GAB2: variants seen among roughly 807,000 people sequenced by gnomAD.
The protein encoded by GAB2 is GRB2-associated-binding protein 2.
GAB2 carries 26 observed loss-of-function variants against 65.5 expected under a neutral mutation model. The observed-to-expected ratio is 0.40, with a 90% CI of 0.29 to 0.55. The LOEUF (loss-of-function observed/expected upper bound fraction) is 0.55. Among genes scored for constraint, GAB2 ranks in the 20% least tolerant of loss-of-function variants. The pLI is 0.53. For synonymous variants in GAB2, 321 were observed against 329.6 expected, an observed-to-expected ratio of 0.97 and a Z score of 0.28; for missense variants, 884 against 875.8, an observed-to-expected ratio of 1.01 and a Z score of -0.12.
intron 1 of GAB2, among the ~76,000 whole-genome samples, chr11:78,333,329 G>A (rs1855946946): frequency 6.6e-6 from 1 of 152,094 alleles, no homozygotes; most frequent in East Asian, 1.9e-4. Context: ...GCAGTGGTGC[G>A]ATCATGGCTC....
At chr11:78,390,616 T>C (rs1484564396) in intron 1 of GAB2, among the ~76,000 whole-genome samples, 1 of 152,104 alleles carries the variant, frequency 6.6e-6, no homozygotes, top group East Asian at 1.9e-4. Context: ...TATAGAGGCC[T>C]ATGGTTGGGA....
rs147197061 is a variant in GAB2, at chr11:78,333,038, CAGA to C, written c.76-52140_76-52138del. ...ATGGGAAAGATGGTCCTTCAAATGA[CAGA>C]AGGAGGAGGATAATGCTGGGCTTTG... is the stretch of plus-strand genomic sequence containing the variant. On this transcript the variant is annotated intron_variant, in intron 1 of 9. Coordinates refer to ENST00000361507, the MANE Select transcript of GAB2 (RefSeq NM_080491.3). 2.5e-3 allele frequency among the ~76,000 whole-genome samples: 380 copies of C among 152,252 alleles called. 1 individual carries two copies. The highest frequency in any genetic ancestry group is 8.7e-3 in the African/African-American group (361 of 41,548).
intron 1 of GAB2, among the ~76,000 whole-genome samples, chr11:78,369,780 G>A (rs949074321): frequency 6.6e-6 from 1 of 152,052 alleles, no homozygotes; most frequent in East Asian, 1.9e-4. Flanking sequence ...TAGTATACTC[G>A]GACACTACTA....
At chr11:78,363,150 A>G (rs1856455729) in intron 1 of GAB2, among the ~76,000 whole-genome samples, 1 of 152,222 alleles carries the variant, frequency 6.6e-6, no homozygotes, top group Non-Finnish European at 1.5e-5. Flanking sequence ...TTCCTAAGAA[A>G]ATTAATCAGA....
At chr11:78,359,421 A>G (rs186243773) in intron 1 of GAB2, among the ~76,000 whole-genome samples, 3 of 152,338 alleles carry the variant, frequency 2.0e-5, no homozygotes, top group Admixed American at 1.3e-4. Context: ...AGATCACAGA[A>G]TAATTTTTCA....
chr11:78,315,492 C>T (rs1162205365), intron 1 of GAB2, among the ~76,000 whole-genome samples: 1 of 151,982 alleles, frequency 6.6e-6, no homozygotes, highest in Non-Finnish European at 1.5e-5. Flanking sequence ...ACAGCTGGAC[C>T]CTTATACCAT....
In GAB2 at chr11:78,362,496, A is replaced by C. The variant is rs552308479; in HGVS notation, c.75+55150T>G. Among the ~76,000 whole-genome samples, 7 of 152,294 alleles carry C rather than the reference A, an allele frequency of 4.6e-5. No individual in the cohort carries two copies. The South Asian group carries it at 1.5e-3, about 32-fold the overall frequency. ...TCAATCCAAAAGGTAAGATTAAAAA[A>C]AACAACAGAAAATTTCAGTGTAAGG... On this transcript the variant is annotated intron_variant, in intron 1 of 9. Coordinates refer to ENST00000361507, the MANE Select transcript of GAB2 (RefSeq NM_080491.3).
chr11:78,225,351 A>C (rs1289988212), intron 4 of GAB2, 149 bp from the exon 5 acceptor site: 1 of 596,480 alleles, frequency 1.7e-6, no homozygotes, highest in African/African-American at 1.9e-5. Context: ...CTTCGAACAC[A>C]TCACTCCTCA....
At chr11:78,221,465 G>A (rs1590937480) in intron 8 of GAB2, among the ~76,000 whole-genome samples, 1 of 152,138 alleles carries the variant, frequency 6.6e-6, no homozygotes, top group Non-Finnish European at 1.5e-5. Context: ...GACTTCGTTG[G>A]GACAGGTCTC....
At chr11:78,347,492 CTTCTT>C (rs1367560516) in intron 1 of GAB2, among the ~76,000 whole-genome samples, 13 of 152,174 alleles carry the variant, frequency 8.5e-5, no homozygotes, top group South Asian at 4.1e-4. Flanking sequence ...ACTTCTGAGA[CTTCTT>C]TTCTTCATCA....
chr11:78,404,657 C>T (rs185254940), intron 1 of GAB2, among the ~76,000 whole-genome samples: 1 of 152,200 alleles, frequency 6.6e-6, no homozygotes, highest in Non-Finnish European at 1.5e-5. Context: ...AAGCCAGGAA[C>T]AGAAATTTAA....
At chr11:78,384,855 CACCAAAG>C (rs758767142) in intron 1 of GAB2, among the ~76,000 whole-genome samples, 1 of 152,184 alleles carries the variant, frequency 6.6e-6, no homozygotes, top group Non-Finnish European at 1.5e-5. Context: ...AGCACAAAAG[CACCAAAG>C]ACTGGAAGAT....
chr11:78,368,091 C>A (rs920395636), intron 1 of GAB2, among the ~76,000 whole-genome samples: 10 of 152,176 alleles, frequency 6.6e-5, no homozygotes, highest in African/African-American at 2.4e-4. Flanking sequence ...GCTGGGATTA[C>A]AGGCGTGAGC....
At chr11:78,377,555 C>T (rs984978955) in intron 1 of GAB2, among the ~76,000 whole-genome samples, 2 of 152,118 alleles carry the variant, frequency 1.3e-5, no homozygotes, top group African/African-American at 4.8e-5. Context: ...GCATGTTGAC[C>T]AGGCAAGTTT....
chr11:78,308,410 TG>T (rs1855417669), intron 1 of GAB2, among the ~76,000 whole-genome samples: 1 of 152,004 alleles, frequency 6.6e-6, no homozygotes, highest in Admixed American at 6.6e-5. Context: ...GGAAAGGATG[TG>T]GGGAGAGAGG....
intron 1 of GAB2, among the ~76,000 whole-genome samples, chr11:78,384,052 G>A (rs1345564281): frequency 6.6e-6 from 1 of 152,194 alleles, no homozygotes; most frequent in African/African-American, 2.4e-5. Flanking sequence ...GGAAGCCAGA[G>A]CTGACTGAAG....
At chr11:78,267,546 A>G (rs1865901441) in intron 2 of GAB2, among the ~76,000 whole-genome samples, 3 of 152,202 alleles carry the variant, frequency 2.0e-5, no homozygotes, top group African/African-American at 7.2e-5. Context: ...CGAGAACACT[A>G]ACATACATGC....
intron 2 of GAB2, among the ~76,000 whole-genome samples, chr11:78,263,645 A>AAAG (rs1248137216): frequency 1.3e-5 from 2 of 151,652 alleles, no homozygotes; most frequent in East Asian, 3.9e-4. Context: ...GGAAAAAAAA[A>AAAG]AAAAAAAAAT....
intron 1 of GAB2, among the ~76,000 whole-genome samples, chr11:78,306,835 C>T (rs1286949819): frequency 2.0e-5 from 3 of 152,162 alleles, no homozygotes; most frequent in Admixed American, 2.0e-4. Context: ...CTGCTGTGTG[C>T]CTTAGTTTCC....
Sources: allele counts gnomAD v4.1 joint callset (sites outside exome capture counted in the v4.1 genomes callset), GRCh38; gene constraint gnomAD v4.1.1; transcripts MANE v1.5; gene names NCBI Gene and HGNC (gene_info 2026-07-23, HGNC 2026-07-21).